Variants in SLC25A21 observed in about 807,000 individuals in gnomAD.
SLC25A21 encodes the protein mitochondrial 2-oxodicarboxylate carrier.
Under a neutral mutation model 43.8 loss-of-function variants are expected in SLC25A21, and 47 were observed. The ratio of observed to expected loss-of-function variants is 1.07; its 90% CI spans 0.85 to 1.37. The LOEUF (loss-of-function observed/expected upper bound fraction) is 1.37, where lower values mean the gene tolerates loss of function less well. Ranked by LOEUF, SLC25A21 falls within the 40% of genes most tolerant of loss-of-function variation. The pLI, the probability that SLC25A21 is intolerant of heterozygous loss-of-function variation, is 0.00. For synonymous variants in SLC25A21, 131 were observed against 121.3 expected, an observed-to-expected ratio of 1.08 and a Z score of -0.52; for missense variants, 352 against 350.2, an observed-to-expected ratio of 1.00 and a Z score of -0.04.
intron 2 of SLC25A21, among the ~76,000 whole-genome samples, chr14:36,826,253 G>T (rs1187460331): frequency 6.6e-6 from 1 of 152,158 alleles, no homozygotes; most frequent in East Asian, 1.9e-4. Context: ...CATTTTTGGG[G>T]TCAGTGGGGA....
At chr14:37,163,006 T>C (rs999661926) in intron 1 of SLC25A21, among the ~76,000 whole-genome samples, 4 of 151,802 alleles carry the variant, frequency 2.6e-5, no homozygotes, top group Non-Finnish European at 4.4e-5. Flanking sequence ...ATGGATGAAA[T>C]TGGAAATCAT....
At chr14:37,150,850 C>A (rs1963746960) in intron 1 of SLC25A21, among the ~76,000 whole-genome samples, 1 of 152,094 alleles carries the variant, frequency 6.6e-6, no homozygotes, top group Admixed American at 6.6e-5. Context: ...AGTGCTTTAA[C>A]CTGCCTCTAC....
intron 3 of SLC25A21, among the ~76,000 whole-genome samples, chr14:36,764,036 A>AAGAAAGAAAGAAAG (rs35648476): frequency 3.9e-5 from 1 of 25,660 alleles, no homozygotes; most frequent in African/African-American, 1.9e-4. Context: ...GAAAGAAAGA[A>AAGAAAGAAAGAAAG]AAAGAAAGAA....
chr14:36,857,674 G>T (rs1889939172), intron 2 of SLC25A21, among the ~76,000 whole-genome samples: 1 of 152,204 alleles, frequency 6.6e-6, no homozygotes, highest in Non-Finnish European at 1.5e-5. Context: ...ATGGTGGAAA[G>T]AGGAAAACAG....
intron 3 of SLC25A21, among the ~76,000 whole-genome samples, chr14:36,806,502 T>C (rs978600030): frequency 6.8e-6 from 1 of 147,126 alleles, no homozygotes; most frequent in Non-Finnish European, 1.5e-5. Context: ...TGTACAACTA[T>C]GTCAATTTAA....
chr14:37,147,636 T>TTG (rs1050357218), intron 1 of SLC25A21, among the ~76,000 whole-genome samples: 16 of 129,020 alleles, frequency 1.2e-4, no homozygotes, highest in African/African-American at 4.4e-4. Context: ...TATTTCAGGT[T>TTG]TTTTTTTTTT....
chr14:37,133,849 AC>A (rs1963432927), intron 1 of SLC25A21, among the ~76,000 whole-genome samples: 2 of 151,934 alleles, frequency 1.3e-5, no homozygotes, highest in South Asian at 4.2e-4. Flanking sequence ...ACCCTTCAAT[AC>A]CCAACATAAT....
At chr14:36,864,388 T>C (rs997689672) in intron 2 of SLC25A21, among the ~76,000 whole-genome samples, 1 of 152,178 alleles carries the variant, frequency 6.6e-6, no homozygotes, top group African/African-American at 2.4e-5. Flanking sequence ...ATGTTACCCA[T>C]CTTGTGCCCT....
At chr14:36,877,957 T>A (rs372040801) in intron 1 of SLC25A21, among the ~76,000 whole-genome samples, 1 of 152,152 alleles carries the variant, frequency 6.6e-6, no homozygotes, top group Non-Finnish European at 1.5e-5. Flanking sequence ...TCCATGTTTA[T>A]TGAAGACATT....
intron 1 of SLC25A21, among the ~76,000 whole-genome samples, chr14:37,065,261 G>A (rs1962036322): frequency 6.6e-6 from 1 of 152,140 alleles, no homozygotes; most frequent in African/African-American, 2.4e-5. Context: ...TGGTAGCCTA[G>A]GTTATTCAGA....
In SLC25A21 at chr14:37,171,531, G is replaced by A. The variant is rs371449933; in HGVS notation, c.70+750C>T. On this transcript the variant is annotated intron_variant, in intron 1 of 9. Transcript: ENST00000331299. ...TTATATATTTATAATAAAAATGCATGACTGTAAGATAAAATTTTAAACCAA... is the reference window on the plus strand; with the variant it reads ...TTATATATTTATAATAAAAATGCATAACTGTAAGATAAAATTTTAAACCAA... Among the ~76,000 whole-genome samples, 5 of 152,066 alleles carry A rather than the reference G, an allele frequency of 3.3e-5. No homozygotes were observed. In the East Asian group the frequency reaches 7.7e-4, roughly 23 times the overall value.
chr14:36,862,655 T>A (rs1890104032), intron 2 of SLC25A21, among the ~76,000 whole-genome samples: 1 of 152,124 alleles, frequency 6.6e-6, no homozygotes, highest in Non-Finnish European at 1.5e-5. Flanking sequence ...AAATACCTAA[T>A]GTAAATGACG....
At chr14:36,706,845 A>C (rs1173299748) in intron 7 of SLC25A21, among the ~76,000 whole-genome samples, 1 of 151,840 alleles carries the variant, frequency 6.6e-6, no homozygotes, top group South Asian at 2.1e-4. Flanking sequence ...TTCCATGCAC[A>C]CATTCTGCCT....
intron 1 of SLC25A21, among the ~76,000 whole-genome samples, chr14:37,104,755 G>A (rs1962881155): frequency 6.6e-6 from 1 of 152,146 alleles, no homozygotes; most frequent in South Asian, 2.1e-4. Flanking sequence ...ACACAGGTAG[G>A]AGGTGGCCCA....
chr14:36,709,399 T>TA (rs558246053), intron 7 of SLC25A21, among the ~76,000 whole-genome samples: 24 of 152,086 alleles, frequency 1.6e-4, no homozygotes, highest in Non-Finnish European at 2.4e-4. Flanking sequence ...CAGGTTCCTC[T>TA]AAAAAAAATC....
chr14:36,958,248 C>T (rs1959394097), intron 1 of SLC25A21, among the ~76,000 whole-genome samples: 1 of 152,136 alleles, frequency 6.6e-6, no homozygotes, highest in Non-Finnish European at 1.5e-5. Context: ...GGTAATCATA[C>T]TCAACACCCT....
At chr14:37,015,596 G>A (rs112349549) in intron 1 of SLC25A21, among the ~76,000 whole-genome samples, 57,668 of 148,708 alleles carry the variant, frequency 0.39, 12,355 homozygotes, top group African/African-American at 0.58. Context: ...TTCTAGTTCT[G>A]GATCCCTGAG....
intron 1 of SLC25A21, among the ~76,000 whole-genome samples, chr14:37,141,300 T>C (rs998118360): frequency 1.3e-5 from 2 of 152,164 alleles, no homozygotes; most frequent in African/African-American, 2.4e-5. Context: ...CCATAATGAC[T>C]AGCTAAAGAT....
chr14:36,950,624 T>G (rs1448196148), intron 1 of SLC25A21, among the ~76,000 whole-genome samples: 1 of 152,164 alleles, frequency 6.6e-6, no homozygotes, highest in Non-Finnish European at 1.5e-5. Context: ...AGCAAATGAA[T>G]TCACAATTCC....
Sources: gnomAD v4.1 joint callset for allele counts (sites outside exome capture counted in the v4.1 genomes callset) on GRCh38, gnomAD v4.1.1 for gene constraint, MANE v1.5 for transcripts, NCBI Gene and HGNC (gene_info 2026-07-23, HGNC 2026-07-21) for gene names.